Variants in MGAT3 observed in about 807,000 individuals in gnomAD.
The protein encoded by MGAT3 is GlcNAc-T III.
A neutral mutation model predicts 29.8 loss-of-function variants in MGAT3; 9 were observed. That is an observed-to-expected ratio of 0.30 (90% CI 0.18 to 0.53). The LOEUF is 0.53. Ranked by LOEUF, MGAT3 falls within the 20% of genes least tolerant of loss-of-function variation. The probability of loss-of-function intolerance (pLI) is 0.96; values close to 1 mark genes in which losing one functional copy is unlikely to be tolerated. For missense variants in MGAT3, 557 were observed against 769.5 expected, an observed-to-expected ratio of 0.72 and a Z score of 3.27; for synonymous variants, 397 against 348.9, an observed-to-expected ratio of 1.14 and a Z score of -1.54.
At chr22:39,470,542 G>A (rs1928778469) in intron 1 of MGAT3, among the ~76,000 whole-genome samples, 1 of 152,218 alleles carries the variant, frequency 6.6e-6, no homozygotes, top group Non-Finnish European at 1.5e-5. Flanking sequence ...CTTGAGCAGG[G>A]AGATGTGGCC....
At chr22:39,477,057 G>A (rs1188928845) in intron 1 of MGAT3, among the ~76,000 whole-genome samples, 1 of 152,200 alleles carries the variant, frequency 6.6e-6, no homozygotes, top group African/African-American at 2.4e-5. Flanking sequence ...CCGGGGAGGT[G>A]CTCACTGTCT....
Position 39,487,508 on chromosome 22 carries a change from C to G in MGAT3, c.161C>G (p.Ala54Gly), listed in dbSNP as rs749042014. ...NLVSSFFWNN[A>G]PVTPQASPEP... ...GTGTCCAGCTTTTTCTGGAACAATG[C>G]CCCGGTCACGCCCCAGGCCAGCCCC... is the stretch of plus-strand genomic sequence containing the variant. Residue 54 changes from alanine (A) to glycine (G), a missense_variant, in exon 2 of 2, where the codon GCC becomes GGC. By Grantham distance (60) the Ala-to-Gly change is moderately conservative (BLOSUM62 0). Transcript: ENST00000341184. This position sits in a 1 kb window ranked among gnomAD's most constrained non-coding sequence, Gnocchi z 5.7. 17 of 1,613,252 alleles carry G rather than the reference C, an allele frequency of 1.1e-5. No individual in the cohort carries two copies. The South Asian group carries it at 1.9e-4, about 18-fold the overall frequency.
intron 1 of MGAT3, among the ~76,000 whole-genome samples, chr22:39,474,895 C>G (rs1454155956): frequency 1.3e-5 from 2 of 152,202 alleles, no homozygotes; most frequent in African/African-American, 2.4e-5. Context: ...ATATGCACCA[C>G]TAGCCCCGGC....
At chr22:39,460,951 G>C (rs763651357) in intron 1 of MGAT3, among the ~76,000 whole-genome samples, 1 of 152,052 alleles carries the variant, frequency 6.6e-6, no homozygotes, top group Non-Finnish European at 1.5e-5. Flanking sequence ...CCTGCCCTTC[G>C]AGATGTGTTG....
In MGAT3 at chr22:39,489,645, G is replaced by A. The variant is rs112119871; in HGVS notation, c.*696G>A. ...CAGGCTGTCGTGAGCCAACACAGGG[G>A]CCTGGAGAACCCTGAGGAGCTTTCC... is the stretch of plus-strand genomic sequence containing the variant. On this transcript the variant is annotated 3_prime_UTR_variant, in exon 2 of 2. Coordinates refer to ENST00000341184, the MANE Select transcript of MGAT3 (RefSeq NM_002409.5). The A allele has an allele frequency of 1.3e-3, 222 of 167,822 alleles. No homozygotes were observed. Among genetic ancestry groups the A allele is most frequent in the African/African-American group, 5.2e-3 (216 of 41,560 alleles). The allele number at this position is 167,822 out of a possible 1,614,324, so 10.4% of individuals were successfully genotyped here.
intron 1 of MGAT3, among the ~76,000 whole-genome samples, chr22:39,469,785 G>T (rs901189255): frequency 2.0e-5 from 3 of 152,238 alleles, no homozygotes; most frequent in Non-Finnish European, 4.4e-5. Flanking sequence ...TACTGAAGTG[G>T]CCCTTTGTAC....
At chr22:39,479,694 A>G (rs778348890) in intron 1 of MGAT3, among the ~76,000 whole-genome samples, 4 of 152,250 alleles carry the variant, frequency 2.6e-5, no homozygotes, top group Non-Finnish European at 5.9e-5. Context: ...TAGGCATCTC[A>G]TCGATGGGAA....
intron 1 of MGAT3, among the ~76,000 whole-genome samples, chr22:39,458,455 T>C (rs1489979498): frequency 6.6e-6 from 1 of 151,924 alleles, no homozygotes; most frequent in African/African-American, 2.4e-5. Flanking sequence ...CAGATTCGCC[T>C]TGATGGGGGA....
chr22:39,465,424 G>T (rs553652078), intron 1 of MGAT3, among the ~76,000 whole-genome samples: 1 of 152,302 alleles, frequency 6.6e-6, no homozygotes, highest in Admixed American at 6.5e-5. Flanking sequence ...GGGCACAAGT[G>T]AAAAACAGAG....
chr22:39,481,039 C>G (rs1929110504), intron 1 of MGAT3, among the ~76,000 whole-genome samples: 1 of 152,164 alleles, frequency 6.6e-6, no homozygotes. Flanking sequence ...AAGGTCAGGC[C>G]ATGGCCTCCC....
Position 39,457,754 on chromosome 22 carries a change from C to T in MGAT3, c.-2+197C>T, listed in dbSNP as rs955536239. On this transcript the variant is annotated intron_variant, in intron 1 of 1. Coordinates refer to ENST00000341184, the MANE Select transcript of MGAT3 (RefSeq NM_002409.5). This position sits in a 1 kb window ranked among gnomAD's most constrained non-coding sequence, Gnocchi z 6.8. Reference sequence around the variant, plus strand: ...GGGGCGGGATGCCGGGGAAGCCGCTCGGCGCGGGCCCCCTCCCCCTACCCG... The same window carrying T: ...GGGGCGGGATGCCGGGGAAGCCGCTTGGCGCGGGCCCCCTCCCCCTACCCG... Among the ~76,000 whole-genome samples, 260 of 150,872 alleles carry T rather than the reference C, an allele frequency of 1.7e-3. 1 individual carries two copies. Among genetic ancestry groups the T allele is most frequent in the Non-Finnish European group, 3.2e-3 (217 of 67,434 alleles).
rs888985049 is a variant in MGAT3, at chr22:39,489,594, G to A, written c.*645G>A. 4 of 168,390 alleles carry A rather than the reference G, an allele frequency of 2.4e-5. No homozygotes were observed. Among genetic ancestry groups the A allele is most frequent in the African/African-American group, 9.7e-5 (4 of 41,440 alleles). The allele number at this position is 168,390 out of a possible 1,614,324, so 10.4% of individuals were successfully genotyped here. Reference sequence around the variant, plus strand: ...GACCTGGCTGCCCTGGGATGCTGGTGCCTGAGTCTGTCTCTGTGCACCCCT... The same window carrying A: ...GACCTGGCTGCCCTGGGATGCTGGTACCTGAGTCTGTCTCTGTGCACCCCT... On this transcript the variant is annotated 3_prime_UTR_variant, in exon 2 of 2. Transcript: ENST00000341184.
intron 1 of MGAT3, among the ~76,000 whole-genome samples, chr22:39,459,966 G>A (rs1928451730): frequency 6.6e-6 from 1 of 152,256 alleles, no homozygotes; most frequent in Non-Finnish European, 1.5e-5. Context: ...GGACGTGAAC[G>A]GCAGAGAGCT....
chr22:39,467,486 GC>G (rs1928682061), intron 1 of MGAT3, among the ~76,000 whole-genome samples: 1 of 152,148 alleles, frequency 6.6e-6, no homozygotes, highest in African/African-American at 2.4e-5. Flanking sequence ...GCTCTCAAGA[GC>G]CCCAAAGAGT....
At chr22:39,473,431 G>A (rs1928866900) in intron 1 of MGAT3, among the ~76,000 whole-genome samples, 1 of 152,176 alleles carries the variant, frequency 6.6e-6, no homozygotes. Flanking sequence ...CTGTTATCAG[G>A]AACAATAACT....
chr22:39,466,277 G>A (rs1050864014), intron 1 of MGAT3, among the ~76,000 whole-genome samples: 4 of 152,170 alleles, frequency 2.6e-5, no homozygotes, highest in African/African-American at 2.4e-5. Context: ...GGCAGTGACC[G>A]GCTGTGGGGT....
At chr22:39,466,413 T>G (rs750625396) in intron 1 of MGAT3, among the ~76,000 whole-genome samples, 5 of 152,210 alleles carry the variant, frequency 3.3e-5, no homozygotes, top group South Asian at 4.1e-4. Context: ...GCTCCTGGAA[T>G]GCAGTGCTCT....
chr22:39,459,460 G>GTTTTGTTTTTGT (rs1198302963), intron 1 of MGAT3, among the ~76,000 whole-genome samples: 3 of 151,902 alleles, frequency 2.0e-5, no homozygotes, highest in Non-Finnish European at 2.9e-5. Flanking sequence ...AAATGGGGAG[G>GTTTTGTTTTTGT]TTTTGTTTTT....
In MGAT3 at chr22:39,491,378, T is replaced by A. The variant is rs1381051168; in HGVS notation, c.*2429T>A. ...GGGTCCCTATGGCTCTGGGTCAATC[T>A]AGGCCAGGCTGCACCCCATGGACAG... On this transcript the variant is annotated 3_prime_UTR_variant, in exon 2 of 2. Transcript: ENST00000341184. This position sits in a 1 kb window ranked among gnomAD's most constrained non-coding sequence, Gnocchi z 5.5. The A allele has an allele frequency of 6.0e-6, 1 of 167,276 alleles. No homozygotes were observed. Among genetic ancestry groups the A allele is most frequent in the African/African-American group, 2.4e-5 (1 of 41,448 alleles). The allele number at this position is 167,276 out of a possible 1,614,324, so 10.4% of individuals were successfully genotyped here.
Sources: gnomAD v4.1 joint callset for allele counts (sites outside exome capture counted in the v4.1 genomes callset) on GRCh38, gnomAD v4.1.1 for gene constraint, Gnocchi (gnomAD v3.1) non-coding constraint, MANE v1.5 for transcripts, NCBI Gene and HGNC (gene_info 2026-07-23, HGNC 2026-07-21) for gene names.